The following ZNF596 variants were observed in gnomAD, a reference collection of about 807,000 sequenced individuals.
ZNF596 encodes the protein zinc finger protein 596.
In ZNF596, 45 loss-of-function variants were observed where a neutral mutation model predicts 48.3. That is an observed-to-expected ratio of 0.93 (90% CI 0.73 to 1.19). The LOEUF (loss-of-function observed/expected upper bound fraction) is 1.19. Ranked by LOEUF, ZNF596 falls within the 50% of genes most tolerant of loss-of-function variation. The pLI, the probability that ZNF596 is intolerant of heterozygous loss-of-function variation, is 0.00. For missense variants in ZNF596, 848 were observed against 599.7 expected, an observed-to-expected ratio of 1.41 and a Z score of -4.32; for synonymous variants, 270 against 202.0, an observed-to-expected ratio of 1.34 and a Z score of -2.85.
intron 1 of ZNF596, among the ~76,000 whole-genome samples, chr8:239,892 C>G (rs1356955980): frequency 6.6e-6 from 1 of 152,118 alleles, no homozygotes; most frequent in Non-Finnish European, 1.5e-5. Flanking sequence ...GGTGATCACC[C>G]CCCATCCTAG....
rs1391873404 is a variant in ZNF596, at chr8:243,744, T to G, written c.162T>G (p.Val54=). Residue 54 remains valine, a synonymous_variant, in exon 4 of 6, where the codon GTT becomes GTG. Coordinates refer to ENST00000398612, the MANE Select transcript of ZNF596 (RefSeq NM_001042416.3). ...VSIGKQLCKS[V]VLSQLEQVEK... ...CAGGCAAACAGCTCTGCAAATCAGT[T>G]GTGCTTTCCCAATTGGAGCAAGTAG... The G allele has an allele frequency of 6.2e-7, 1 of 1,613,780 alleles. No individual in the cohort carries two copies. The highest frequency in any genetic ancestry group is 1.1e-5 in the South Asian group (1 of 91,076).
rs1797125892 is a variant in ZNF596, at chr8:247,207, A to T, written c.*845A>T. 1.3e-5 allele frequency: 2 copies of T among 152,196 alleles called. No homozygotes were observed. The highest frequency in any genetic ancestry group is 2.1e-4 in the South Asian group (1 of 4,834). The allele number at this position is 152,196 out of a possible 1,614,324, so 9.4% of individuals were successfully genotyped here. On this transcript the variant is annotated 3_prime_UTR_variant, in exon 6 of 6. Transcript: ENST00000398612. ...GCCATCAAGCACGTGCTTGAGAAAAAAATTATAATTTTGAATAAAGACTTT... is the reference window on the plus strand; with the variant it reads ...GCCATCAAGCACGTGCTTGAGAAAATAATTATAATTTTGAATAAAGACTTT...
At chr8:243,421 T>A in intron 3 of ZNF596, 1 of 315,326 alleles carries the variant, frequency 3.2e-6, no homozygotes, top group South Asian at 5.3e-5. Flanking sequence ...AGTTTTTTAA[T>A]ATAATGTCAA....
In ZNF596 at chr8:240,812, G is replaced by A. The variant is rs1468492815; in HGVS notation, c.-72-12G>A. The A allele has an allele frequency of 6.4e-7, 1 of 1,568,554 alleles. No individual in the cohort carries two copies. The stretch of plus-strand genomic sequence containing the variant: ...TCATGGTTTTTTTGTTTTTGTTTTT[G>A]TTTTTGCTCAGATTTGTCTTCTTAG... On this transcript the variant is annotated splice_polypyrimidine_tract_variant and intron_variant, in intron 1 of 5. Transcript: ENST00000398612.
At position 240,527 on chromosome 8, in the gene ZNF596, G is replaced by A. The variant is rs560936815; in HGVS notation, c.-72-297G>A. On this transcript the variant is annotated intron_variant, in intron 1 of 5. Coordinates refer to ENST00000398612, the MANE Select transcript of ZNF596 (RefSeq NM_001042416.3). Reference sequence around the variant, plus strand: ...TGGAGCCACATCTCCATGATTCAGGGATTCTTAGGATTTGGAATCATAGAA... The same window carrying A: ...TGGAGCCACATCTCCATGATTCAGGAATTCTTAGGATTTGGAATCATAGAA... 3 of 203,474 alleles carry A rather than the reference G, an allele frequency of 1.5e-5. No individual in the cohort carries two copies. The East Asian group carries it at 3.4e-4, about 23-fold the overall frequency. 12.6% of individuals were successfully genotyped at this position (203,474 alleles called of 1,614,324 possible).
chr8:239,197 C>T (rs1394518058), intron 1 of ZNF596, among the ~76,000 whole-genome samples: 1 of 152,098 alleles, frequency 6.6e-6, no homozygotes, highest in East Asian at 1.9e-4. Context: ...TCCTCCCCGC[C>T]CCCACTGCCA....
At chr8:235,653 A>G (rs1796588544) in intron 1 of ZNF596, among the ~76,000 whole-genome samples, 1 of 152,180 alleles carries the variant, frequency 6.6e-6, no homozygotes, top group Non-Finnish European at 1.5e-5. Flanking sequence ...TAGTTTAATT[A>G]TATGTACGCA....
rs1334755403 is a variant in ZNF596 at position 238,652 on chromosome 8, A to C, written c.-72-2172A>C. On this transcript the variant is annotated intron_variant, in intron 1 of 5. Transcript: ENST00000398612. ...ACAAAAAAAAAAAAAAAAAAAAAAA[A>C]AAAAATTAGCTGGTCGTGGTGACGG... 7.8e-5 allele frequency among the ~76,000 whole-genome samples: 11 copies of C among 141,332 alleles called. 1 individual carries two copies. Among genetic ancestry groups the C allele is most frequent in the African/African-American group, 3.0e-4 (11 of 36,718 alleles). 92.7% of individuals were successfully genotyped at this position (141,332 alleles called of 152,430 possible).
At chr8:241,443 A>T (rs1796850849) in intron 2 of ZNF596, among the ~76,000 whole-genome samples, 1 of 152,188 alleles carries the variant, frequency 6.6e-6, no homozygotes, top group Non-Finnish European at 1.5e-5. Flanking sequence ...TCAAAATCTT[A>T]ATGTCTTGAG....
intron 1 of ZNF596, chr8:237,791 T>G (rs1031703410): frequency 3.4e-4 from 52 of 152,264 alleles, no homozygotes; most frequent in African/African-American, 1.2e-3. Context: ...GATTATAGGC[T>G]GGACTCCAGA....
chr8:244,816 T>C (rs1796998090), intron 5 of ZNF596, 115 bp downstream of exon 5: 1 of 849,816 alleles, frequency 1.2e-6, no homozygotes, highest in South Asian at 1.7e-5. Flanking sequence ...CAGTTTTAGA[T>C]AGTTTGGATT....
In ZNF596 at chr8:245,400, C is replaced by T; in HGVS notation, c.553C>T (p.His185Tyr). 3 of 1,614,190 alleles carry T rather than the reference C, an allele frequency of 1.9e-6. No homozygotes were observed. The highest frequency in any genetic ancestry group is 2.5e-6 in the Non-Finnish European group (3 of 1,180,026). Residue 185 changes from histidine (H) to tyrosine (Y), a missense_variant, in exon 6 of 6, where the codon CAC becomes TAC. Coordinates refer to ENST00000398612, the MANE Select transcript of ZNF596 (RefSeq NM_001042416.3). ...TATCCAAAACTCTGCCCTTAGACCA[C>T]ACAGTGTGACTCACACTAGAGAGAT... ...AFIQNSALRP[H>Y]SVTHTREITL...
Position 245,385 on chromosome 8 carries a change from T to G in ZNF596, c.538T>G (p.Ser180Ala). 6.2e-7 allele frequency: 1 copy of G among 1,614,178 alleles called. No individual in the cohort carries two copies. Among genetic ancestry groups the G allele is most frequent in the South Asian group, 1.1e-5 (1 of 91,088 alleles). ...HLFDYAFIQN[S>A]ALRPHSVTHT... ...ATTTGATTATGCCTTTATCCAAAAC[T>G]CTGCCCTTAGACCACACAGTGTGAC... The change falls in exon 6 of 6, where the codon TCT becomes GCT. Residue 180 changes from serine (S) to alanine (A), a missense_variant. Transcript: ENST00000398612.
chr8:233,121 T>A (rs1796482146), intron 1 of ZNF596: 2 of 467,506 alleles, frequency 4.3e-6, no homozygotes, highest in South Asian at 1.5e-5. Context: ...GGAGGGAAGT[T>A]TAGATGGGAA....
At position 245,140 on chromosome 8, in the gene ZNF596, A is replaced by G. The variant is rs1208387164; in HGVS notation, c.307-14A>G. ...TAAACCTTTAATAGTCTTTCATTTC[A>G]TTCCCAAAACCAGAGATCTCATACT... On this transcript the variant is annotated splice_polypyrimidine_tract_variant and intron_variant, in intron 5 of 5. Transcript: ENST00000398612. 1.3e-6 allele frequency: 2 copies of G among 1,555,416 alleles called. No individual in the cohort carries two copies. Among genetic ancestry groups the G allele is most frequent in the Non-Finnish European group, 8.7e-7 (1 of 1,154,840 alleles).
chr8:243,649 G>T, intron 3 of ZNF596, 73 bp from the exon 4 acceptor site: 5 of 1,472,912 alleles, frequency 3.4e-6, no homozygotes, highest in Non-Finnish European at 4.7e-6. Flanking sequence ...CCAGTAGGCT[G>T]CCCTGTATCT....
chr8:243,539 G>T, intron 3 of ZNF596, 183 bp from the exon 4 acceptor site: 2 of 482,318 alleles, frequency 4.1e-6, no homozygotes, highest in Non-Finnish European at 3.7e-6. Context: ...TTTATGTCTG[G>T]GAACAAGTTC....
chr8:240,507 C>A, intron 1 of ZNF596: 1 of 191,902 alleles, frequency 5.2e-6, no homozygotes, highest in Admixed American at 5.6e-5. Context: ...GTAGGTGGAG[C>A]CACATCTCCA....
chr8:240,934 G>T (rs770883996), intron 2 of ZNF596, 27 bp downstream of exon 2: 1 of 1,613,772 alleles, frequency 6.2e-7, no homozygotes, highest in Non-Finnish European at 8.5e-7. Flanking sequence ...TCTTTCTACT[G>T]AAATTTGTAC....
Sources: gnomAD v4.1 joint callset for allele counts (sites outside exome capture counted in the v4.1 genomes callset) on GRCh38, gnomAD v4.1.1 for gene constraint, MANE v1.5 for transcripts, NCBI Gene and HGNC (gene_info 2026-07-23, HGNC 2026-07-21) for gene names.